Variants in LRRC74B observed in about 807,000 individuals in gnomAD.
LRRC74B encodes the protein leucine-rich repeat-containing protein 74B.
LRRC74B carries 30 observed loss-of-function variants against 16.6 expected under a neutral mutation model. The observed-to-expected ratio is 1.80, with a 90% CI of 1.35 to 2.45. The LOEUF is 2.45. LRRC74B is among the 30% of genes most tolerant of loss of function. LRRC74B has a pLI of 0.00. For missense variants in LRRC74B, 326 were observed against 202.4 expected (o/e 1.61, Z -3.71); for synonymous variants, 134 against 86.0 (o/e 1.56, Z -3.09).
At position 21,052,205 on chromosome 22, in the gene LRRC74B, A is replaced by C. The variant is rs1018805109; in HGVS notation, c.623-44A>C. On this transcript the variant is annotated intron_variant, in intron 4 of 8. Transcript: ENST00000442047. ...GGGCATCAGTGTGATCTTTTGAAGG[A>C]GTGAAGAGAGTGAGTCAGAAGGTCT... The C allele has an allele frequency of 7.0e-6, 5 of 716,704 alleles. No individual in the cohort carries two copies. The African/African-American group carries it at 8.7e-5, about 13-fold the overall frequency. 44.4% of individuals were successfully genotyped at this position (716,704 alleles called of 1,614,324 possible).
rs575303951 is a variant in LRRC74B at position 21,055,848 on chromosome 22, C to G, written c.927+672C>G. On this transcript the variant is annotated intron_variant, in intron 7 of 8. Transcript: ENST00000442047. Reference sequence around the variant, plus strand: ...CATAGACCTGCGTTTCGAGTCACCTCGTAGACAGTCCTCTAAATGTCCCAA... The same window carrying G: ...CATAGACCTGCGTTTCGAGTCACCTGGTAGACAGTCCTCTAAATGTCCCAA... Among the ~76,000 whole-genome samples, 6 of 152,182 alleles carry G rather than the reference C, an allele frequency of 3.9e-5. No individual in the cohort carries two copies. The East Asian group carries it at 1.2e-3, about 29-fold the overall frequency.
chr22:21,047,896 C>G, exon 3 of LRRC74B: 1 of 717,422 alleles, frequency 1.4e-6, no homozygotes, highest in Non-Finnish European at 2.6e-6. Flanking sequence ...CGCCCGGGCT[C>G]TGGCTTCCTC....
chr22:21,055,801 A>C (rs939632561), intron 7 of LRRC74B, among the ~76,000 whole-genome samples: 1 of 152,148 alleles, frequency 6.6e-6, no homozygotes, highest in Non-Finnish European at 1.5e-5. Context: ...CCTGCCTCAC[A>C]GGAACCTGGA....
At chr22:21,048,848 A>T in intron 3 of LRRC74B, 103 bp from the exon 4 acceptor site, 1 of 654,430 alleles carries the variant, frequency 1.5e-6, no homozygotes, top group East Asian at 2.7e-5. Context: ...TTAACCTGTA[A>T]GTCCCCTTCC....
intron 8 of LRRC74B, among the ~76,000 whole-genome samples, chr22:21,057,851 C>G (rs958008284): frequency 1.4e-5 from 2 of 146,662 alleles, no homozygotes; most frequent in East Asian, 4.0e-4. Flanking sequence ...TCAAGTGATC[C>G]TGTGCCATGG....
At chr22:21,054,339 C>G (rs1930310795) in intron 6 of LRRC74B, among the ~76,000 whole-genome samples, 1 of 152,226 alleles carries the variant, frequency 6.6e-6, no homozygotes, top group African/African-American at 2.4e-5. Flanking sequence ...ACAAGTGGGC[C>G]CCAGTGCCTG....
intron 3 of LRRC74B, chr22:21,048,258 C>G (rs1247277759): frequency 3.9e-6 from 2 of 509,664 alleles, no homozygotes; most frequent in Non-Finnish European, 7.2e-6. Context: ...CCTTGCTGGC[C>G]AGCATCCCCC....
At chr22:21,049,591 G>C (rs1039869838) in intron 4 of LRRC74B, 36 of 165,910 alleles carry the variant, frequency 2.2e-4, no homozygotes, top group Non-Finnish European at 3.9e-4. Context: ...GTGGGAAGGA[G>C]TCAGCCATGG....
At chr22:21,046,216 A>G in intron 1 of LRRC74B, 91 bp downstream of exon 1, 1 of 674,490 alleles carries the variant, frequency 1.5e-6, no homozygotes, top group Non-Finnish European at 2.7e-6. Context: ...TAAGGCCAGC[A>G]GGGAACGTAC....
At chr22:21,054,250 G>A (rs1235957752) in intron 6 of LRRC74B, among the ~76,000 whole-genome samples, 2 of 152,170 alleles carry the variant, frequency 1.3e-5, no homozygotes, top group Admixed American at 6.5e-5. Context: ...TGCTTGAGCC[G>A]AGGATTCAGG....
exon 3 of LRRC74B, chr22:21,047,913 C>G (rs532319567): frequency 1.7e-4 from 122 of 717,444 alleles, no homozygotes; most frequent in Non-Finnish European, 2.9e-4. Context: ...CCTCATTGAG[C>G]TCCAATCCAT....
downstream of LRRC74B, chr22:21,062,856 C>G (rs537329859): frequency 6.6e-6 from 1 of 151,960 alleles, no homozygotes; most frequent in Admixed American, 6.6e-5. Flanking sequence ...CGTGAGACCC[C>G]CGTTTCTACA....
chr22:21,048,436 G>C (rs1419509010), intron 3 of LRRC74B: 1 of 275,072 alleles, frequency 3.6e-6, no homozygotes, highest in African/African-American at 2.2e-5. Context: ...GGATACCTGG[G>C]CAAGCAGCTT....
intron 7 of LRRC74B, 34 bp from the exon 8 acceptor site, chr22:21,057,071 T>C (rs1432627078): frequency 7.0e-6 from 5 of 716,610 alleles, no homozygotes; most frequent in Non-Finnish European, 1.3e-5. Context: ...TTCCCGGACC[T>C]GGCTTCTCGC....
chr22:21,059,422 TGTGGTG>T (rs1930703861), intron 8 of LRRC74B, among the ~76,000 whole-genome samples: 2 of 151,894 alleles, frequency 1.3e-5, no homozygotes, highest in East Asian at 3.9e-4. Context: ...ATTAGCTGGA[TGTGGTG>T]GTGCTCACCT....
downstream of LRRC74B, among the ~76,000 whole-genome samples, chr22:21,061,140 A>G (rs1930788277): frequency 6.6e-6 from 1 of 152,036 alleles, no homozygotes; most frequent in Non-Finnish European, 1.5e-5. Context: ...CCAGCTTGAC[A>G]AACATGGTGA....
intron 6 of LRRC74B, chr22:21,053,682 G>A (rs986642933): frequency 3.2e-5 from 14 of 432,166 alleles, no homozygotes; most frequent in Non-Finnish European, 1.2e-5. Flanking sequence ...AGAGTGCAGT[G>A]CTGTGATCAT....
chr22:21,051,100 C>T (rs190585299), intron 4 of LRRC74B, among the ~76,000 whole-genome samples: 6 of 151,980 alleles, frequency 3.9e-5, no homozygotes, highest in East Asian at 1.9e-4. Flanking sequence ...TGCAGTGAGC[C>T]GTGATTGTCC....
intron 8 of LRRC74B, among the ~76,000 whole-genome samples, chr22:21,058,499 G>A (rs1432776241): frequency 6.6e-6 from 1 of 151,990 alleles, no homozygotes; most frequent in Non-Finnish European, 1.5e-5. Context: ...GGGGAACAGG[G>A]CCAGATTCTG....
Sources: allele counts gnomAD v4.1 joint callset (sites outside exome capture counted in the v4.1 genomes callset), GRCh38; gene constraint gnomAD v4.1.1; transcripts MANE v1.5; gene names NCBI Gene and HGNC (gene_info 2026-07-23, HGNC 2026-07-21).